ALKAL1: variants seen among roughly 807,000 people sequenced by gnomAD.
The protein encoded by ALKAL1 is AUG-beta.
Under a neutral mutation model 13.5 loss-of-function variants are expected in ALKAL1, and 23 were observed. That is an observed-to-expected ratio of 1.70 (90% CI 1.23 to 2.41). ALKAL1 has a LOEUF of 2.41. ALKAL1 is among the 30% of genes most tolerant of loss of function. The probability of loss-of-function intolerance (pLI) is 0.00; values close to 1 mark genes in which losing one functional copy is unlikely to be tolerated. For missense variants in ALKAL1, 181 were observed against 178.4 expected (o/e 1.01, Z -0.08); for synonymous variants, 85 against 77.7 (o/e 1.09, Z -0.49).
intron 1 of ALKAL1, among the ~76,000 whole-genome samples, chr8:52,551,463 ATTT>A (rs531619339): frequency 2.3e-5 from 3 of 130,372 alleles, no homozygotes; most frequent in Admixed American, 7.8e-5. Flanking sequence ...CGGCTAATTC[ATTT>A]TTTTTTTTTT....
Position 52,548,607 on chromosome 8 carries a change from A to G in ALKAL1, c.191-6162T>C, listed in dbSNP as rs534140021. Among the ~76,000 whole-genome samples the G allele has an allele frequency of 2.0e-5, 3 of 152,244 alleles. No individual in the cohort carries two copies. The South Asian group carries it at 6.2e-4, about 32-fold the overall frequency. ...TATATTGAAACATCACTATGTACCC[A>G]TTATTTGCCAATTAAAAAATAATAT... On this transcript the variant is annotated intron_variant, in intron 1 of 4. Coordinates refer to ENST00000358543, the MANE Select transcript of ALKAL1 (RefSeq NM_207413.4).
intron 1 of ALKAL1, among the ~76,000 whole-genome samples, chr8:52,554,203 A>C (rs1402249421): frequency 6.6e-6 from 1 of 152,210 alleles, no homozygotes; most frequent in Non-Finnish European, 1.5e-5. Context: ...CAGCCTGGGC[A>C]ACAAGAGTGA....
In ALKAL1 at chr8:52,539,854, G is replaced by A; in HGVS notation, c.302C>T (p.Thr101Ile). The A allele has an allele frequency of 6.2e-7, 1 of 1,613,112 alleles. No homozygotes were observed. The highest frequency in any genetic ancestry group is 8.5e-7 in the Non-Finnish European group (1 of 1,179,552). Residue 101 changes from threonine to isoleucine, a missense_variant, in exon 3 of 5, where the codon ACC (threonine) becomes ATC (isoleucine). By Grantham distance (89) the Thr-to-Ile change is moderately conservative. Coordinates refer to ENST00000358543, the MANE Select transcript of ALKAL1 (RefSeq NM_207413.4). Reference sequence around the variant, plus strand: ...ACAAGCTGGCGTTGAGCACTCCCTGGTATTGTAATAGAGTCGGTGGAAATG... The same window carrying A: ...ACAAGCTGGCGTTGAGCACTCCCTGATATTGTAATAGAGTCGGTGGAAATG... ...SKHFHRLYYN[T>I]RECSTPAYYK... is the part of the protein sequence containing the mutation.
At chr8:52,551,305 T>A (rs1563322101) in intron 1 of ALKAL1, among the ~76,000 whole-genome samples, 2 of 150,742 alleles carry the variant, frequency 1.3e-5, no homozygotes, top group Non-Finnish European at 2.9e-5. Flanking sequence ...TTTATTTTTA[T>A]TTTTTTAGAG....
chr8:52,544,369 A>G (rs1281322411), intron 1 of ALKAL1, among the ~76,000 whole-genome samples: 1 of 152,226 alleles, frequency 6.6e-6, no homozygotes, highest in Non-Finnish European at 1.5e-5. Flanking sequence ...AGCCAGAGAT[A>G]AGAAGGTAAG....
At chr8:52,553,336 A>G (rs1847448098) in intron 1 of ALKAL1, among the ~76,000 whole-genome samples, 1 of 152,116 alleles carries the variant, frequency 6.6e-6, no homozygotes, top group East Asian at 1.9e-4. Flanking sequence ...TGACAGAGTG[A>G]TACTCCATCT....
chr8:52,563,098 GT>G (rs1161012000), intron 1 of ALKAL1, among the ~76,000 whole-genome samples: 1 of 152,158 alleles, frequency 6.6e-6, no homozygotes, highest in Non-Finnish European at 1.5e-5. Context: ...TGACTATATT[GT>G]TGTTTAAAAC....
Position 52,546,465 on chromosome 8 carries a change from T to C in ALKAL1, c.191-4020A>G, listed in dbSNP as rs138587340. Reference sequence around the variant, plus strand: ...CCTTACTCCAAAGCCTCCTATCAACTATTAGTTCTCATACTTTAGCCCAGT... The same window carrying C: ...CCTTACTCCAAAGCCTCCTATCAACCATTAGTTCTCATACTTTAGCCCAGT... On this transcript the variant is annotated intron_variant, in intron 1 of 4. Coordinates refer to ENST00000358543, the MANE Select transcript of ALKAL1 (RefSeq NM_207413.4). 2.9e-3 allele frequency among the ~76,000 whole-genome samples: 440 copies of C among 152,324 alleles called. 2 individuals are homozygous for C. Among genetic ancestry groups the C allele is most frequent in the Non-Finnish European group, 4.3e-3 (293 of 68,024 alleles).
chr8:52,544,596 G>A (rs1847348535), intron 1 of ALKAL1, among the ~76,000 whole-genome samples: 2 of 152,168 alleles, frequency 1.3e-5, no homozygotes, highest in Non-Finnish European at 2.9e-5. Flanking sequence ...AGACCGTTGA[G>A]GGAGGGAGGG....
chr8:52,548,840 T>G (rs575993728), intron 1 of ALKAL1, among the ~76,000 whole-genome samples: 15 of 152,264 alleles, frequency 9.9e-5, no homozygotes, highest in African/African-American at 3.6e-4. Flanking sequence ...CCTCCTCAAT[T>G]GTAAGTTTAC....
chr8:52,538,789 C>T (rs1186704772), intron 3 of ALKAL1, among the ~76,000 whole-genome samples: 1 of 152,154 alleles, frequency 6.6e-6, no homozygotes, highest in African/African-American at 2.4e-5. Context: ...CTTTCTCCAC[C>T]ATGCTTGGCT....
rs1002037915 is a variant in ALKAL1 at position 52,565,162 on chromosome 8, C to A, written c.95G>T (p.Arg32Leu). ...PHGAHGRPRGRRGARVTDKEP... is the reference protein window; with the variant it reads ...PHGAHGRPRGLRGARVTDKEP... ...CTTATCCGTGACGCGCGCTCCCCTGCGCCCCCGGGGCCTCCCGTGGGCTCC... is the reference window on the plus strand; with the variant it reads ...CTTATCCGTGACGCGCGCTCCCCTGAGCCCCCGGGGCCTCCCGTGGGCTCC... Residue 32 changes from arginine to leucine, a missense_variant, in exon 1 of 5, where the codon CGC becomes CTC. Coordinates refer to ENST00000358543, the MANE Select transcript of ALKAL1 (RefSeq NM_207413.4). The A allele has an allele frequency of 7.9e-6, 11 of 1,392,710 alleles. No homozygotes were observed. In the Admixed American group the frequency reaches 2.3e-4, roughly 28 times the overall value. 86.3% of individuals were successfully genotyped at this position (1,392,710 alleles called of 1,614,324 possible).
chr8:52,564,971 C>T, intron 1 of ALKAL1, 96 bp downstream of exon 1: 1 of 1,019,752 alleles, frequency 9.8e-7, no homozygotes. Context: ...GTACTAATCT[C>T]AGGCTTCCCA....
chr8:52,552,604 G>A (rs920795698), intron 1 of ALKAL1, among the ~76,000 whole-genome samples: 1 of 152,186 alleles, frequency 6.6e-6, no homozygotes, highest in Non-Finnish European at 1.5e-5. Flanking sequence ...AATGACTGAT[G>A]AATATTTTAT....
At chr8:52,553,200 G>A (rs1388702814) in intron 1 of ALKAL1, among the ~76,000 whole-genome samples, 2 of 152,044 alleles carry the variant, frequency 1.3e-5, no homozygotes, top group East Asian at 3.9e-4. Flanking sequence ...ATTTTAAAAT[G>A]AGCTGAGCAT....
At chr8:52,542,588 C>T (rs1563320447) in intron 1 of ALKAL1, 143 bp from the exon 2 acceptor site, 1 of 602,818 alleles carries the variant, frequency 1.7e-6, no homozygotes, top group Non-Finnish European at 2.9e-6. Context: ...CTGGTTTCTC[C>T]AGCCCTGACC....
chr8:52,544,147 T>C (rs1847343620), intron 1 of ALKAL1, among the ~76,000 whole-genome samples: 2 of 152,048 alleles, frequency 1.3e-5, no homozygotes, highest in Admixed American at 1.3e-4. Context: ...TGGCACATGT[T>C]CAAGGAATAG....
At chr8:52,563,322 G>T (rs1000378061) in intron 1 of ALKAL1, among the ~76,000 whole-genome samples, 7 of 152,078 alleles carry the variant, frequency 4.6e-5, no homozygotes, top group African/African-American at 1.7e-4. Flanking sequence ...TCCTAGCTAC[G>T]TGGGAGGCTG....
At position 52,534,185 on chromosome 8, in the gene ALKAL1, CTT is replaced by C. The variant is rs1847246187; in HGVS notation, c.*426_*427del. On this transcript the variant is annotated 3_prime_UTR_variant, in exon 5 of 5. Transcript: ENST00000358543. ...ATTAAATAAGAATTATAAAATTTAACTTGGTACACGATGATTTGACAAATATA... is the reference window on the plus strand; with the variant it reads ...ATTAAATAAGAATTATAAAATTTAACGGTACACGATGATTTGACAAATATA... The C allele has an allele frequency of 6.5e-6, 1 of 152,702 alleles. No individual in the cohort carries two copies. The highest frequency in any genetic ancestry group is 2.4e-5 in the African/African-American group (1 of 41,440). 9.5% of individuals were successfully genotyped at this position (152,702 alleles called of 1,614,324 possible).
Sources: allele counts gnomAD v4.1 joint callset (sites outside exome capture counted in the v4.1 genomes callset), GRCh38; gene constraint gnomAD v4.1.1; transcripts MANE v1.5; gene names NCBI Gene and HGNC (gene_info 2026-07-23, HGNC 2026-07-21).